Variants in TMEM131 observed in about 807,000 individuals in gnomAD.
TMEM131 encodes the protein transmembrane protein 131.
In TMEM131, 66 loss-of-function variants were observed where a neutral mutation model predicts 211.6. The observed-to-expected ratio is 0.31, with a 90% CI of 0.26 to 0.38. The LOEUF (loss-of-function observed/expected upper bound fraction) is 0.38, where lower values mean the gene tolerates loss of function less well. TMEM131 is among the 10% of genes least tolerant of loss of function. TMEM131 has a pLI of 1.00. For missense variants in TMEM131, 2,036 were observed against 2,299.3 expected, an observed-to-expected ratio of 0.89 and a Z score of 2.34; for synonymous variants, 844 against 841.3, an observed-to-expected ratio of 1.00 and a Z score of -0.06.
intron 11 of TMEM131, among the ~76,000 whole-genome samples, chr2:97,830,132 T>TAAAAAA (rs60531384): frequency 0.019 from 1,354 of 71,962 alleles, 41 homozygotes; most frequent in Non-Finnish European, 0.026. Flanking sequence ...CATTATCAGT[T>TAAAAAA]AAAAAAAAAA....
In TMEM131 at chr2:97,787,923, A is replaced by G. The variant is rs74638804; in HGVS notation, c.4144+4463T>C. 1.9e-3 allele frequency among the ~76,000 whole-genome samples: 290 copies of G among 152,192 alleles called. 9 individuals carry two copies. The East Asian group carries it at 0.04, about 21-fold the overall frequency. ...CCTTTTTAAACCTTAGTCTCCTAAC[A>G]TTCCTTGCTCCCACCATCCTCGAAA... On this transcript the variant is annotated intron_variant, in intron 31 of 40. Transcript: ENST00000186436.
Position 97,833,364 on chromosome 2 carries a change from C to A in TMEM131, c.1074+1G>T. On this transcript the variant is annotated splice_donor_variant, in intron 11 of 40. Transcript: ENST00000186436. LOFTEE classifies it high-confidence loss of function. ...AGGGGAAAAAAGAAGTAAAAACTTA[C>A]TGTTATTGGTACATCTTTTGTTCCT... The A allele has an allele frequency of 8.0e-7, 1 of 1,252,744 alleles. No homozygotes were observed. The highest frequency in any genetic ancestry group is 2.5e-5 in the East Asian group (1 of 40,182). 77.6% of individuals were successfully genotyped at this position (1,252,744 alleles called of 1,614,324 possible).
At chr2:97,773,761 C>T (rs969645399) in intron 32 of TMEM131, among the ~76,000 whole-genome samples, 1 of 152,058 alleles carries the variant, frequency 6.6e-6, no homozygotes, top group African/African-American at 2.4e-5. Context: ...TGCCACCACA[C>T]CCAGCTAATT....
chr2:97,834,788 A>C lies in TMEM131; in HGVS notation c.942T>G (p.Val314=). 1 of 1,613,624 alleles carries C rather than the reference A, an allele frequency of 6.2e-7. No homozygotes were observed. The highest frequency in any genetic ancestry group is 8.5e-7 in the Non-Finnish European group (1 of 1,179,718). Residue 314 remains valine, a synonymous_variant, in exon 9 of 41, where the codon GTT becomes GTG. Transcript: ENST00000186436. ...STEFIILPVE[V]EVTTAPGIYS... is the part of the protein sequence containing the mutation. The stretch of plus-strand genomic sequence containing the variant: ...TTTTCCACTAACCTGTTGTAACTTC[A>C]ACCTCAACAGGAAGAATGATAAACT...
intron 4 of TMEM131, among the ~76,000 whole-genome samples, chr2:97,868,995 A>T (rs1457757992): frequency 6.6e-6 from 1 of 152,208 alleles, no homozygotes; most frequent in Non-Finnish European, 1.5e-5. Flanking sequence ...AGAAGATAAA[A>T]GTCTTCTTCC....
intron 2 of TMEM131, among the ~76,000 whole-genome samples, chr2:97,915,118 C>T (rs1420223598): frequency 3.9e-5 from 6 of 152,204 alleles, no homozygotes; most frequent in Non-Finnish European, 7.3e-5. Flanking sequence ...GTTTTCATGT[C>T]GTTTTTACCA....
chr2:97,815,120 T>G (rs956791047), intron 13 of TMEM131, 79 bp downstream of exon 13: 12 of 749,340 alleles, frequency 1.6e-5, no homozygotes, highest in Middle Eastern at 4.1e-4. Flanking sequence ...TGGCTAGTAT[T>G]TCTGCAGGTC....
intron 1 of TMEM131, among the ~76,000 whole-genome samples, chr2:97,963,879 G>A (rs1453228930): frequency 1.3e-5 from 2 of 152,148 alleles, no homozygotes; most frequent in Non-Finnish European, 2.9e-5. Flanking sequence ...CAAATGCATA[G>A]TGGTAAATTT....
Position 97,783,012 on chromosome 2 carries a change from G to A in TMEM131, c.4145-6994C>T, listed in dbSNP as rs191565443. Among the ~76,000 whole-genome samples the A allele has an allele frequency of 1.7e-3, 256 of 146,414 alleles. 1 individual carries two copies. The highest frequency in any genetic ancestry group is 2.9e-3 in the Admixed American group (43 of 14,794). ...AACCTCAAAAAGGGTAAACAGAAAC[G>A]AATCCACATCAAGATGCATTATAAT... On this transcript the variant is annotated intron_variant, in intron 31 of 40. Transcript: ENST00000186436.
chr2:97,830,155 A>AAC (rs1682602673), intron 11 of TMEM131, among the ~76,000 whole-genome samples: 1 of 151,090 alleles, frequency 6.6e-6, no homozygotes, highest in Non-Finnish European at 1.5e-5. Context: ...AAAAAAAAAA[A>AAC]ACCAAACCCA....
At chr2:97,866,993 T>C (rs2105206920) in intron 4 of TMEM131, among the ~76,000 whole-genome samples, 1 of 152,364 alleles carries the variant, frequency 6.6e-6, no homozygotes, top group African/African-American at 2.4e-5. Context: ...GAGCATCATG[T>C]TGGCACACAA....
rs572040535 is a variant in TMEM131 at position 97,815,531 on chromosome 2, T to C, written c.1184-224A>G. Among the ~76,000 whole-genome samples the C allele has an allele frequency of 1.2e-4, 19 of 152,338 alleles. No homozygotes were observed. In the East Asian group the frequency reaches 2.7e-3, roughly 22 times the overall value. ...TAAGATAAGCAGATAAGGAATTAGC[T>C]GGTGAGCATGGTTCAGGAGGTAAAA... On this transcript the variant is annotated intron_variant, in intron 12 of 40. Coordinates refer to ENST00000186436, the MANE Select transcript of TMEM131 (RefSeq NM_015348.2).
intron 38 of TMEM131, chr2:97,760,054 T>C (rs747365858): frequency 3.2e-5 from 11 of 340,172 alleles, no homozygotes; most frequent in Non-Finnish European, 5.5e-5. Context: ...ATTTAAAAAC[T>C]ATTTCAAATC....
At chr2:97,927,284 A>G (rs1677032290) in intron 2 of TMEM131, 142 bp downstream of exon 2, 1 of 528,950 alleles carries the variant, frequency 1.9e-6, no homozygotes, top group East Asian at 3.4e-5. Context: ...TTTTTATATT[A>G]CTAAAGACTC....
intron 40 of TMEM131, among the ~76,000 whole-genome samples, chr2:97,758,098 C>G (rs1376318377): frequency 1.3e-5 from 2 of 150,662 alleles, no homozygotes; most frequent in Admixed American, 6.6e-5. Flanking sequence ...TGCCACTGCA[C>G]TCCAGCCTGG....
At chr2:97,847,297 C>T (rs1364733322) in intron 5 of TMEM131, among the ~76,000 whole-genome samples, 2 of 151,982 alleles carry the variant, frequency 1.3e-5, no homozygotes, top group African/African-American at 4.8e-5. Flanking sequence ...CAGAAAAATC[C>T]CTAAAAATAT....
At chr2:97,836,720 C>T (rs1682955937) in intron 8 of TMEM131, among the ~76,000 whole-genome samples, 1 of 152,082 alleles carries the variant, frequency 6.6e-6, no homozygotes, top group Admixed American at 6.6e-5. Flanking sequence ...ATAATGAATG[C>T]TTCCTACATT....
intron 1 of TMEM131, among the ~76,000 whole-genome samples, chr2:97,976,850 T>C (rs1679558053): frequency 6.6e-6 from 1 of 151,628 alleles, no homozygotes; most frequent in Non-Finnish European, 1.5e-5. Context: ...AACTCACACA[T>C]GTACATGCAA....
chr2:97,972,909 T>C (rs963044285), intron 1 of TMEM131, among the ~76,000 whole-genome samples: 2 of 152,146 alleles, frequency 1.3e-5, no homozygotes, highest in Admixed American at 6.5e-5. Context: ...AATTCTCCCC[T>C]AGGGCCTTCA....
Sources: gnomAD v4.1 joint callset for allele counts (sites outside exome capture counted in the v4.1 genomes callset) on GRCh38, gnomAD v4.1.1 for gene constraint, MANE v1.5 for transcripts, NCBI Gene and HGNC (gene_info 2026-07-23, HGNC 2026-07-21) for gene names.